The following MAP7D2 variants were observed in gnomAD, a reference collection of about 807,000 sequenced individuals.
MAP7D2 encodes MAP7 domain-containing protein 2.
MAP7D2 carries 33 observed loss-of-function variants against 63.5 expected under a neutral mutation model. That is an observed-to-expected ratio of 0.52 (90% CI 0.39 to 0.70). The LOEUF (loss-of-function observed/expected upper bound fraction) is 0.70, where lower values mean the gene tolerates loss of function less well. MAP7D2 is among the 30% of genes least tolerant of loss of function. The pLI is 0.00. For missense variants in MAP7D2, 626 were observed against 604.0 expected, an observed-to-expected ratio of 1.04 and a Z score of -0.38; for synonymous variants, 224 against 223.7, an observed-to-expected ratio of 1.00 and a Z score of -0.01.
chrX:20,107,527 C>T (rs1054106012), intron 1 of MAP7D2, among the ~76,000 whole-genome samples: 1 of 111,148 alleles, frequency 9.0e-6, no homozygotes, highest in Non-Finnish European at 1.9e-5. Context: ...GCCAAGATCA[C>T]GCCACCGCAC....
chrX:20,026,928 G>A (rs756648204), intron 8 of MAP7D2, among the ~76,000 whole-genome samples: 1 of 112,231 alleles, frequency 8.9e-6, no homozygotes, highest in South Asian at 3.7e-4. Flanking sequence ...TCCTCAGCAG[G>A]TTGAACCATG....
chrX:20,048,978 T>C (rs2064874409), intron 6 of MAP7D2, among the ~76,000 whole-genome samples: 1 of 110,170 alleles, frequency 9.1e-6, no homozygotes. Flanking sequence ...CGTATACATA[T>C]ACACATACAA....
intron 1 of MAP7D2, among the ~76,000 whole-genome samples, chrX:20,105,137 G>A (rs1255837512): frequency 8.9e-6 from 1 of 111,743 alleles, no homozygotes; most frequent in Non-Finnish European, 1.9e-5. Flanking sequence ...CTCCAGCTGC[G>A]AGGTCATTTC....
intron 6 of MAP7D2, among the ~76,000 whole-genome samples, chrX:20,048,299 C>T (rs778489889): frequency 2.6e-4 from 29 of 111,839 alleles, no homozygotes; most frequent in African/African-American, 9.1e-4. Flanking sequence ...AAACCGTTGG[C>T]ACTGAGTCTC....
intron 10 of MAP7D2, chrX:20,017,202 C>A (rs994058823): frequency 8.8e-6 from 1 of 114,043 alleles, no homozygotes; most frequent in Non-Finnish European, 1.9e-5. Context: ...GTTCTTGATG[C>A]CCATTTAAAA....
intron 5 of MAP7D2, among the ~76,000 whole-genome samples, chrX:20,051,717 T>C (rs1010923222): frequency 8.9e-6 from 1 of 112,308 alleles, no homozygotes; most frequent in Non-Finnish European, 1.9e-5. Context: ...TATAAAAATA[T>C]ATCTTTTCAT....
At chrX:20,063,280 A>T (rs2065266987) in intron 3 of MAP7D2, 134 bp downstream of exon 3, 1 of 606,383 alleles carries the variant, frequency 1.6e-6, no homozygotes, top group Non-Finnish European at 2.5e-6. Flanking sequence ...TTGCTGAAAG[A>T]AGGCATGGGA....
chrX:20,038,663 G>A (rs754341081), intron 8 of MAP7D2, among the ~76,000 whole-genome samples: 2 of 111,140 alleles, frequency 1.8e-5, no homozygotes, highest in Admixed American at 9.6e-5. Context: ...TCCTGTTCCC[G>A]CAACATTACG....
chrX:20,024,416 G>A (rs2073767491), intron 10 of MAP7D2, among the ~76,000 whole-genome samples: 1 of 111,699 alleles, frequency 9.0e-6, no homozygotes, highest in Non-Finnish European at 1.9e-5. Context: ...TCCCAGATGG[G>A]ACTCCCCATA....
intron 1 of MAP7D2, among the ~76,000 whole-genome samples, chrX:20,095,297 G>A (rs2066227840): frequency 9.0e-6 from 1 of 111,697 alleles, no homozygotes; most frequent in Admixed American, 9.6e-5. Flanking sequence ...ACGGCACTTT[G>A]GGAGGTGGAG....
intron 1 of MAP7D2, among the ~76,000 whole-genome samples, chrX:20,094,067 T>C (rs1448769794): frequency 1.8e-5 from 2 of 111,378 alleles, no homozygotes; most frequent in East Asian, 5.6e-4. Context: ...GCAGAGGAGT[T>C]GTATTCCTTG....
At chrX:20,051,859 G>C (rs1457094974) in intron 5 of MAP7D2, among the ~76,000 whole-genome samples, 1 of 112,285 alleles carries the variant, frequency 8.9e-6, no homozygotes, top group Non-Finnish European at 1.9e-5. Context: ...AAAATATTTA[G>C]ATCAGTTTTG....
chrX:20,030,587 A>G (rs1341479222), intron 8 of MAP7D2, among the ~76,000 whole-genome samples: 1 of 111,484 alleles, frequency 9.0e-6, no homozygotes, highest in African/African-American at 3.3e-5. Context: ...GGAACCCCCA[A>G]AAGACTTTTT....
intron 7 of MAP7D2, among the ~76,000 whole-genome samples, chrX:20,043,401 T>C (rs1242996261): frequency 8.9e-6 from 1 of 112,312 alleles, no homozygotes; most frequent in Non-Finnish European, 1.9e-5. Context: ...TTGATCTTAG[T>C]GACTTACTTA....
rs778544035 is a variant in MAP7D2, at chrX:20,108,271, G to T, written c.130+8479C>A. Among the ~76,000 whole-genome samples the T allele has an allele frequency of 3.7e-5, 4 of 107,147 alleles. No individual in the cohort carries two copies. The East Asian group carries it at 8.7e-4, about 23-fold the overall frequency. The allele number at this position is 107,147 out of a possible 115,157, so 93.0% of individuals were successfully genotyped here. A position where few individuals can be genotyped will look rare whatever the true frequency, so the allele number is the denominator to read the frequency against. On this transcript the variant is annotated intron_variant, in intron 1 of 16. Transcript: ENST00000379643. ...TTTTTTTGAGACAGAGTCTCACTCT[G>T]TCACCTAGGCTGGAGTGCAGTGGCG...
intron 1 of MAP7D2, among the ~76,000 whole-genome samples, chrX:20,065,432 A>G (rs1454596700): frequency 9.2e-6 from 1 of 109,189 alleles, no homozygotes; most frequent in Admixed American, 9.8e-5. Flanking sequence ...ACGCATGGCT[A>G]ATTTTTGTAT....
At chrX:20,033,344 T>A (rs2074111023) in intron 8 of MAP7D2, among the ~76,000 whole-genome samples, 1 of 112,107 alleles carries the variant, frequency 8.9e-6, no homozygotes, top group South Asian at 3.7e-4. Context: ...AGAGAATATT[T>A]CACACTGAAG....
At chrX:20,040,108 C>T (rs58542923) in intron 8 of MAP7D2, among the ~76,000 whole-genome samples, 40,967 of 108,536 alleles carry the variant, frequency 0.38, 8,818 homozygotes, top group African/African-American at 0.82. Context: ...CCCTCAAACA[C>T]TGGACTCTAA....
chrX:20,016,129 G>A lies in MAP7D2; in HGVS notation c.1609C>T (p.Gln537Ter). The A allele has an allele frequency of 8.3e-7, 1 of 1,207,838 alleles. No individual in the cohort carries two copies. Among genetic ancestry groups the A allele is most frequent in the South Asian group, 1.8e-5 (1 of 56,351 alleles). The part of the protein sequence containing the change: ...EELLLKEKQE[Q>*]EKQEKAMIEK... ...ATCATGGCTTTCTCTTGTTTTTCTT[G>A]TTCTTGCTTTTCTTTCAACAACAGC... The change falls in exon 11 of 17, where the codon CAA becomes TAA. Residue 537 changes from glutamine to a stop codon, truncating the protein, a stop_gained. Transcript: ENST00000379643. LOFTEE classifies it high-confidence loss of function.
Sources: gnomAD v4.1 joint callset for allele counts (sites outside exome capture counted in the v4.1 genomes callset) on GRCh38, gnomAD v4.1.1 for gene constraint, MANE v1.5 for transcripts, NCBI Gene and HGNC (gene_info 2026-07-23, HGNC 2026-07-21) for gene names.